The following APCDD1L variants were observed in gnomAD, a reference collection of about 807,000 sequenced individuals.
APCDD1L encodes the protein APC down-regulated 1 like.
Under a neutral mutation model 24.2 loss-of-function variants are expected in APCDD1L, and 21 were observed. The observed-to-expected ratio is 0.87, with a 90% CI of 0.61 to 1.25. APCDD1L has a LOEUF of 1.25. APCDD1L is among the 50% of genes most tolerant of loss of function. The probability of loss-of-function intolerance (pLI) is 0.00; values close to 1 mark genes in which losing one functional copy is unlikely to be tolerated. For missense variants in APCDD1L, 704 were observed against 711.7 expected (o/e 0.99, Z 0.12); for synonymous variants, 321 against 323.6 (o/e 0.99, Z 0.09).
chr20:58,512,087 C>T (rs62204200), intron 1 of APCDD1L, among the ~76,000 whole-genome samples: 7,712 of 152,312 alleles, frequency 0.051, 263 homozygotes, highest in Middle Eastern at 0.068. Flanking sequence ...AGGTTCGCTG[C>T]AGTGGGTGAC....
At chr20:58,493,318 C>A (rs148312644) in intron 1 of APCDD1L, among the ~76,000 whole-genome samples, 1 of 152,206 alleles carries the variant, frequency 6.6e-6, no homozygotes, top group African/African-American at 2.4e-5. Context: ...TTGGGCCCCA[C>A]TAATGTGAGT....
In APCDD1L at chr20:58,494,182, G is replaced by A. The variant is rs191321702; in HGVS notation, c.49+20477C>T. Among the ~76,000 whole-genome samples the A allele has an allele frequency of 1.2e-3, 181 of 152,278 alleles. 3 individuals are homozygous for A. In the East Asian group the frequency reaches 0.019, roughly 16 times the overall value. The stretch of plus-strand genomic sequence containing the variant: ...GAGGGGCTGGTCTTGCTGTCTCAGG[G>A]GCAGCAGAGGCAGAAGAAAATCTGG... On this transcript the variant is annotated intron_variant, in intron 1 of 3. Coordinates refer to ENST00000371149, the MANE Select transcript of APCDD1L (RefSeq NM_153360.3). This position sits in a 1 kb window ranked among gnomAD's most constrained non-coding sequence, Gnocchi z 4.8.
At chr20:58,466,994 G>T in intron 3 of APCDD1L, 112 bp downstream of exon 3, 1 of 1,348,708 alleles carries the variant, frequency 7.4e-7, no homozygotes, top group Non-Finnish European at 9.8e-7. Flanking sequence ...TGACAGCCGG[G>T]CAGCCAGAGC....
At chr20:58,487,410 TAA>T (rs11335260) in intron 1 of APCDD1L, among the ~76,000 whole-genome samples, 13,429 of 141,220 alleles carry the variant, frequency 0.095, 1,431 homozygotes, top group East Asian at 0.25. Flanking sequence ...CCTTAAATAT[TAA>T]AAAAAAAAAA....
At chr20:58,472,908 G>T (rs148749293) in intron 1 of APCDD1L, among the ~76,000 whole-genome samples, 10 of 152,296 alleles carry the variant, frequency 6.6e-5, no homozygotes, top group African/African-American at 2.4e-4. Flanking sequence ...CTGAGCTGAC[G>T]GGTGCACGTC....
chr20:58,514,682 G>T lies in APCDD1L; in HGVS notation c.26C>A (p.Ala9Asp). The T allele has an allele frequency of 7.6e-7, 1 of 1,312,920 alleles. No individual in the cohort carries two copies. The highest frequency in any genetic ancestry group is 9.8e-7 in the Non-Finnish European group (1 of 1,022,962). 81.3% of individuals were successfully genotyped at this position (1,312,920 alleles called of 1,614,324 possible). A position where few individuals can be genotyped will look rare whatever the true frequency, so the allele number is the denominator to read the frequency against. MPAAMLPY[A>D]CVLVLLGAHT... ...ACCTCCCAAAAGCACCAGGACGCAAGCGTAGGGGAGCATGGCTGCGGGCAT... is the reference window on the plus strand; with the variant it reads ...ACCTCCCAAAAGCACCAGGACGCAATCGTAGGGGAGCATGGCTGCGGGCAT... Residue 9 changes from alanine to aspartate, a missense_variant, in exon 1 of 4, where the codon GCT becomes GAT. By Grantham distance (126) the Ala-to-Asp change is moderately radical. Transcript: ENST00000371149.
intron 1 of APCDD1L, among the ~76,000 whole-genome samples, chr20:58,495,774 A>T (rs1990310017): frequency 6.6e-6 from 1 of 152,186 alleles, no homozygotes; most frequent in African/African-American, 2.4e-5. Flanking sequence ...TCCTGTAGCA[A>T]CACAGAACCA....
chr20:58,479,108 G>A (rs1005396613), intron 1 of APCDD1L, among the ~76,000 whole-genome samples: 5 of 152,166 alleles, frequency 3.3e-5, no homozygotes, highest in East Asian at 1.9e-4. Context: ...AGCCATAAAT[G>A]TCAGCCCTGC....
rs1009050369 is a variant in APCDD1L at position 58,494,161 on chromosome 20, G to A, written c.49+20498C>T. Among the ~76,000 whole-genome samples the A allele has an allele frequency of 6.6e-5, 10 of 152,108 alleles. No individual in the cohort carries two copies. Among genetic ancestry groups the A allele is most frequent in the African/African-American group, 1.9e-4 (8 of 41,388 alleles). On this transcript the variant is annotated intron_variant, in intron 1 of 3. Coordinates refer to ENST00000371149, the MANE Select transcript of APCDD1L (RefSeq NM_153360.3). The surrounding 1 kb of genome is among the most constrained non-coding windows in gnomAD (Gnocchi z 4.8). ...GCTGAGGAGGAGGAGGAAGAGGAGG[G>A]GCTGGTCTTGCTGTCTCAGGGGCAG...
At position 58,461,225 on chromosome 20, in the gene APCDD1L, C is replaced by A. The variant is rs1989595547; in HGVS notation, c.1071G>T (p.Arg357=). The change falls in exon 4 of 4, where the codon CGG becomes CGT. Residue 357 remains arginine (R), a synonymous_variant. Transcript: ENST00000371149. This position sits in a 1 kb window ranked among gnomAD's most constrained non-coding sequence, Gnocchi z 6.0. ...CCTGGTCCATGGGGGTCACATGGGC[C>A]CGTGTGACCTCAAACACCAGCTCGG... ...GGTELVFEVT[R]AHVTPMDQVT... 3.7e-6 allele frequency: 6 copies of A among 1,613,464 alleles called. No individual in the cohort carries two copies. Among genetic ancestry groups the A allele is most frequent in the Non-Finnish European group, 5.1e-6 (6 of 1,179,894 alleles).
At chr20:58,502,217 C>T (rs1438548070) in intron 1 of APCDD1L, among the ~76,000 whole-genome samples, 2 of 152,196 alleles carry the variant, frequency 1.3e-5, no homozygotes, top group Admixed American at 6.5e-5. Flanking sequence ...TCTCCTGCCT[C>T]AGCCTCCCAA....
chr20:58,503,642 G>C (rs1279935152), intron 1 of APCDD1L, among the ~76,000 whole-genome samples: 1 of 152,156 alleles, frequency 6.6e-6, no homozygotes, highest in Non-Finnish European at 1.5e-5. Context: ...CTTGGGGAAG[G>C]CAGCTCAGAT....
intron 3 of APCDD1L, chr20:58,462,004 A>C: frequency 2.5e-5 from 4 of 159,522 alleles, no homozygotes; most frequent in Non-Finnish European, 2.7e-5. Context: ...CAGTACTAAA[A>C]AGCCCTAGAA....
chr20:58,464,135 C>T (rs1018808668), intron 3 of APCDD1L, among the ~76,000 whole-genome samples: 10 of 152,022 alleles, frequency 6.6e-5, no homozygotes, highest in Non-Finnish European at 1.3e-4. Flanking sequence ...TGATAAGAGT[C>T]GACTCTAATT....
intron 1 of APCDD1L, among the ~76,000 whole-genome samples, chr20:58,478,789 C>T (rs928452725): frequency 1.3e-5 from 2 of 151,918 alleles, no homozygotes; most frequent in African/African-American, 4.8e-5. Context: ...AGGTTTACAG[C>T]TGTTGGGATT....
rs776772090 is a variant in APCDD1L at position 58,467,207 on chromosome 20, G to A, written c.640C>T (p.Arg214Trp). The A allele has an allele frequency of 5.0e-6, 8 of 1,603,946 alleles. No homozygotes were observed. Among genetic ancestry groups the A allele is most frequent in the Admixed American group, 1.7e-5 (1 of 59,882 alleles). ...RLQPQPRASP[R>W]LVEELYLGDI... ...CCCAGGTACAGCTCCTCCACCAGCC[G>A]GGGCGACGCCCGGGGCTGCGGCTGC... The change falls in exon 3 of 4, where the codon CGG (arginine) becomes TGG (tryptophan). Residue 214 changes from arginine to tryptophan, a missense_variant. Coordinates refer to ENST00000371149, the MANE Select transcript of APCDD1L (RefSeq NM_153360.3). This position sits in a 1 kb window ranked among gnomAD's most constrained non-coding sequence, Gnocchi z 5.9.
rs143047107 is a variant in APCDD1L at position 58,508,381 on chromosome 20, G to A, written c.49+6278C>T. On this transcript the variant is annotated intron_variant, in intron 1 of 3. Transcript: ENST00000371149. The surrounding 1 kb of genome is among the most constrained non-coding windows in gnomAD (Gnocchi z 4.0). ...GATCAAGGAGCACAGGGAGGGGAGA[G>A]CACAGAGAGAGTGAACATGGCTGAG... 1.6e-3 allele frequency among the ~76,000 whole-genome samples: 247 copies of A among 152,326 alleles called. 2 individuals carry two copies. Among genetic ancestry groups the A allele is most frequent in the African/African-American group, 5.6e-3 (231 of 41,570 alleles).
rs767000055 is a variant in APCDD1L, at chr20:58,467,240, G to A, written c.607C>T (p.Arg203Cys). The A allele has an allele frequency of 2.5e-6, 4 of 1,591,616 alleles. No individual in the cohort carries two copies. Among genetic ancestry groups the A allele is most frequent in the Non-Finnish European group, 3.4e-6 (4 of 1,174,540 alleles). Reference protein sequence around the residue: ...MHELSLVRVQRRLQPQPRASP... With the variant: ...MHELSLVRVQCRLQPQPRASP... ...GCCCGGGGCTGCGGCTGCAGGCGGC[G>A]CTGCACGCGGACCAGGCTGAGCTCG... Residue 203 changes from arginine to cysteine, a missense_variant, in exon 3 of 4, where the codon CGC (arginine) becomes TGC (cysteine). Arg to Cys is a radical substitution (Grantham distance 180, BLOSUM62 -3). Transcript: ENST00000371149. This position sits in a 1 kb window ranked among gnomAD's most constrained non-coding sequence, Gnocchi z 5.9.
rs548618877 is a variant in APCDD1L at position 58,487,019 on chromosome 20, G to A, written c.50-16272C>T. On this transcript the variant is annotated intron_variant, in intron 1 of 3. Transcript: ENST00000371149. ...TGGGATTACAGGCACACACTACCACGCCTGGCTAATTTTTGTATTTTCAGT... is the reference window on the plus strand; with the variant it reads ...TGGGATTACAGGCACACACTACCACACCTGGCTAATTTTTGTATTTTCAGT... 1.4e-4 allele frequency among the ~76,000 whole-genome samples: 21 copies of A among 151,978 alleles called. No individual in the cohort carries two copies. In the East Asian group the frequency reaches 3.1e-3, roughly 22 times the overall value.
Sources: allele counts gnomAD v4.1 joint callset (sites outside exome capture counted in the v4.1 genomes callset), GRCh38; gene constraint gnomAD v4.1.1; non-coding constraint Gnocchi (gnomAD v3.1); transcripts MANE v1.5; gene names NCBI Gene and HGNC (gene_info 2026-07-23, HGNC 2026-07-21).